PREX1: variants seen among roughly 807,000 people sequenced by gnomAD.
The protein encoded by PREX1 is phosphatidylinositol-3,4,5-trisphosphate dependent Rac exchange factor 1, also known as phosphatidylinositol 3,4,5-trisphosphate-dependent Rac exchanger 1 protein.
Under a neutral mutation model 198.3 loss-of-function variants are expected in PREX1, and 41 were observed. That is an observed-to-expected ratio of 0.21 (90% CI 0.16 to 0.27). The LOEUF is 0.27. Ranked by LOEUF, PREX1 falls within the 10% of genes least tolerant of loss-of-function variation. PREX1 has a pLI of 1.00. For synonymous variants in PREX1, 843 were observed against 887.2 expected, an observed-to-expected ratio of 0.95 and a Z score of 0.89; for missense variants, 1,620 against 2,200.7, an observed-to-expected ratio of 0.74 and a Z score of 5.28.
chr20:48,688,134 C>T (rs978135289), intron 10 of PREX1, among the ~76,000 whole-genome samples: 2 of 152,096 alleles, frequency 1.3e-5, no homozygotes, highest in Non-Finnish European at 2.9e-5. Context: ...TTTATTCTTC[C>T]AGCCCTTAAA....
At chr20:48,635,385 A>C in intron 32 of PREX1, among the ~76,000 whole-genome samples, 1 of 152,164 alleles carries the variant, frequency 6.6e-6, no homozygotes, top group Non-Finnish European at 1.5e-5. Context: ...CCTACAAGTC[A>C]TGTTTTGAAA....
chr20:48,873,870 C>T, the PREX1 span, among the ~76,000 whole-genome samples: 4 of 152,172 alleles, frequency 2.6e-5, no homozygotes, highest in African/African-American at 7.2e-5. Context: ...CAGGCGTTTA[C>T]ACACAGAGAA....
intron 7 of PREX1, among the ~76,000 whole-genome samples, chr20:48,700,461 A>G (rs1264876163): frequency 2.0e-5 from 3 of 152,238 alleles, no homozygotes; most frequent in Admixed American, 2.0e-4. Context: ...AATAATAATT[A>G]CATGTATAAT....
chr20:48,662,708 C>T (rs907691472), intron 15 of PREX1, among the ~76,000 whole-genome samples: 1 of 152,238 alleles, frequency 6.6e-6, no homozygotes, highest in Admixed American at 6.5e-5. Flanking sequence ...CCATCCTGCA[C>T]CTCACCCTGT....
At chr20:48,762,270 T>C (rs2090184153) in intron 1 of PREX1, among the ~76,000 whole-genome samples, 1 of 152,164 alleles carries the variant, frequency 6.6e-6, no homozygotes, top group African/African-American at 2.4e-5. Flanking sequence ...CAGTTGTTGA[T>C]TTTTTTCCTG....
intron 7 of PREX1, among the ~76,000 whole-genome samples, chr20:48,695,100 GT>G (rs2089838588): frequency 1.3e-5 from 2 of 152,146 alleles, no homozygotes; most frequent in Admixed American, 1.3e-4. Context: ...ACTTTTGCAA[GT>G]GAACACACCT....
intron 5 of PREX1, among the ~76,000 whole-genome samples, chr20:48,713,857 TAAAAAAAA>T (rs71337452): frequency 2.4e-5 from 2 of 81,740 alleles, no homozygotes; most frequent in East Asian, 3.0e-4. Flanking sequence ...CCCAGAACTA[TAAAAAAAA>T]AAAAAAAAAA....
intron 1 of PREX1, among the ~76,000 whole-genome samples, chr20:48,792,996 G>T (rs183954630): frequency 6.6e-6 from 1 of 152,234 alleles, no homozygotes; most frequent in Admixed American, 6.5e-5. Flanking sequence ...CTTGAGGTCA[G>T]GAGTTCGAGA....
chr20:48,728,869 C>A (rs969386562), intron 4 of PREX1, among the ~76,000 whole-genome samples: 1 of 152,104 alleles, frequency 6.6e-6, no homozygotes, highest in Non-Finnish European at 1.5e-5. Flanking sequence ...ACACACAGAG[C>A]TAGCATTCAC....
chr20:48,809,817 G>A (rs1304889351), intron 1 of PREX1, among the ~76,000 whole-genome samples: 1 of 152,128 alleles, frequency 6.6e-6, no homozygotes, highest in Non-Finnish European at 1.5e-5. Context: ...TCCCAAAGGG[G>A]CATAAGTGCA....
At chr20:48,819,747 G>A (rs2090475743) in intron 1 of PREX1, among the ~76,000 whole-genome samples, 2 of 152,346 alleles carry the variant, frequency 1.3e-5, no homozygotes, top group South Asian at 4.1e-4. Flanking sequence ...TGCGGTGTCT[G>A]AAGATTCCCT....
intron 26 of PREX1, 117 bp from the exon 27 acceptor site, chr20:48,644,614 G>T: frequency 1.1e-6 from 1 of 892,760 alleles, no homozygotes. Context: ...AGGTGGGCGT[G>T]CAGCCCAGAG....
At chr20:48,683,767 A>G (rs1011216387) in intron 10 of PREX1, among the ~76,000 whole-genome samples, 5 of 152,160 alleles carry the variant, frequency 3.3e-5, no homozygotes, top group African/African-American at 9.7e-5. Flanking sequence ...AAATGTTCAT[A>G]TCGAGTCCAA....
intron 17 of PREX1, 60 bp from the exon 18 acceptor site, chr20:48,657,248 A>T: frequency 6.4e-7 from 1 of 1,568,580 alleles, no homozygotes; most frequent in Non-Finnish European, 8.7e-7. Flanking sequence ...TTCCCTCCTC[A>T]CCAAGGAAGC....
Position 48,629,613 on chromosome 20 carries a change from G to A in PREX1, c.4602C>T (p.Arg1534=), listed in dbSNP as rs766745255. The stretch of plus-strand genomic sequence containing the variant: ...AGAGCTCATCCAGGGCATTGATGGG[G>A]CGGATCAGCTGTAGGGGGTACCACA... ...TTAVKIDQLI[R]PINALDELCR... Residue 1534 remains arginine, a synonymous_variant, in exon 37 of 40, where the codon CGC becomes CGT. Transcript: ENST00000371941. 1.2e-6 allele frequency: 2 copies of A among 1,614,036 alleles called. No homozygotes were observed. The highest frequency in any genetic ancestry group is 1.7e-5 in the Admixed American group (1 of 60,012).
chr20:48,645,194 C>CA (rs1202924223), intron 26 of PREX1, among the ~76,000 whole-genome samples: 3 of 152,210 alleles, frequency 2.0e-5, no homozygotes, highest in Non-Finnish European at 1.5e-5. Context: ...TCTGCCTTCT[C>CA]AAACTGTATC....
At chr20:48,699,651 T>C (rs899536527) in intron 7 of PREX1, among the ~76,000 whole-genome samples, 4 of 152,092 alleles carry the variant, frequency 2.6e-5, no homozygotes, top group African/African-American at 7.2e-5. Flanking sequence ...TGCCAACCAA[T>C]TGGCCATCCA....
At chr20:48,724,942 G>A (rs1303530226) in intron 5 of PREX1, among the ~76,000 whole-genome samples, 1 of 152,226 alleles carries the variant, frequency 6.6e-6, no homozygotes, top group Non-Finnish European at 1.5e-5. Flanking sequence ...AACAACAAGT[G>A]CTGAAGTTCC....
chr20:48,836,642 C>T, the PREX1 span, among the ~76,000 whole-genome samples: 1 of 152,014 alleles, frequency 6.6e-6, no homozygotes, highest in South Asian at 2.1e-4. Flanking sequence ...TGGCTGGGTG[C>T]GGTGGCTCAC....
Sources: gnomAD v4.1 joint callset for allele counts (sites outside exome capture counted in the v4.1 genomes callset) on GRCh38, gnomAD v4.1.1 for gene constraint, MANE v1.5 for transcripts, NCBI Gene and HGNC (gene_info 2026-07-23, HGNC 2026-07-21) for gene names.